Variants in ZNF793 observed in about 807,000 individuals in gnomAD.
ZNF793 encodes zinc finger protein 793.
In ZNF793, 5 loss-of-function variants were observed where a neutral mutation model predicts 12.4. The ratio of observed to expected loss-of-function variants is 0.40; its 90% CI spans 0.21 to 0.84. The LOEUF (loss-of-function observed/expected upper bound fraction) is 0.84, where lower values mean the gene tolerates loss of function less well. Among genes scored for constraint, ZNF793 ranks in the 40% least tolerant of loss-of-function variants. The pLI is 0.35. For missense variants in ZNF793, 456 were observed against 495.0 expected, an observed-to-expected ratio of 0.92 and a Z score of 0.75; for synonymous variants, 162 against 172.4, an observed-to-expected ratio of 0.94 and a Z score of 0.47.
intron 2 of ZNF793, among the ~76,000 whole-genome samples, chr19:37,511,612 G>A (rs553490391): frequency 6.6e-6 from 1 of 152,190 alleles, no homozygotes; most frequent in South Asian, 2.1e-4. Context: ...CAGAGGTTGC[G>A]GTGAGCTGAG....
Position 37,537,884 on chromosome 19 carries a change from A to G in ZNF793, c.*5A>G. The G allele has an allele frequency of 6.4e-7, 1 of 1,564,148 alleles. No individual in the cohort carries two copies. Among genetic ancestry groups the G allele is most frequent in the Non-Finnish European group, 8.7e-7 (1 of 1,154,246 alleles). ...ATAATTGTGGGAAATACTTGAGCAA[A>G]ATATCTGGTTTCATGGTATGTAGGG... On this transcript the variant is annotated 3_prime_UTR_variant, in exon 8 of 8. Transcript: ENST00000627814.
At chr19:37,527,460 G>C (rs1415742642) in intron 5 of ZNF793, among the ~76,000 whole-genome samples, 3 of 152,188 alleles carry the variant, frequency 2.0e-5, no homozygotes, top group Non-Finnish European at 4.4e-5. Context: ...GCCAGGCACT[G>C]TTCAAAGGCT....
Position 37,537,097 on chromosome 19 carries a change from A to C in ZNF793, c.439A>C (p.Asn147His), listed in dbSNP as rs998401349. The change falls in exon 8 of 8, where the codon AAC becomes CAC. Residue 147 changes from asparagine (N) to histidine (H), a missense_variant. Coordinates refer to ENST00000627814, the MANE Select transcript of ZNF793 (RefSeq NM_001013659.3). Reference protein sequence around the residue: ...SNWNPCGKNLNHNLDLIGFKR... With the variant: ...SNWNPCGKNLHHNLDLIGFKR... ...CTGGAACCCTTGTGGAAAGAATTTG[A>C]ACCATAATTTAGACTTGATTGGTTT... 1 of 1,613,464 alleles carries C rather than the reference A, an allele frequency of 6.2e-7. No individual in the cohort carries two copies. The highest frequency in any genetic ancestry group is 8.5e-7 in the Non-Finnish European group (1 of 1,179,666).
At chr19:37,520,043 T>G (rs1051671432) in intron 2 of ZNF793, 141 bp from the exon 3 acceptor site, 8 of 152,146 alleles carry the variant, frequency 5.3e-5, no homozygotes, top group African/African-American at 1.9e-4. Flanking sequence ...TTTGTGGGAG[T>G]TCCCCCTGTC....
chr19:37,511,390 T>G (rs916691080), intron 2 of ZNF793, among the ~76,000 whole-genome samples: 1 of 152,174 alleles, frequency 6.6e-6, no homozygotes, highest in Non-Finnish European at 1.5e-5. Context: ...GACAAAATTC[T>G]AAGCTGAATG....
At chr19:37,511,453 G>A (rs1277600246) in intron 2 of ZNF793, among the ~76,000 whole-genome samples, 1 of 152,024 alleles carries the variant, frequency 6.6e-6, no homozygotes, top group Non-Finnish European at 1.5e-5. Context: ...GGATGAGGTG[G>A]GAGGATCAGG....
intron 2 of ZNF793, among the ~76,000 whole-genome samples, chr19:37,515,001 A>G (rs544161034): frequency 1.8e-4 from 27 of 152,362 alleles, no homozygotes; most frequent in Non-Finnish European, 3.1e-4. Context: ...GATAAGACCT[A>G]TGTCTCAAGT....
intron 5 of ZNF793, among the ~76,000 whole-genome samples, chr19:37,529,226 T>A (rs990494526): frequency 1.3e-5 from 2 of 152,220 alleles, no homozygotes; most frequent in Admixed American, 1.3e-4. Flanking sequence ...GGTACAGGCA[T>A]CATGCAATGT....
chr19:37,533,283 ACCT>A (rs755320387), intron 6 of ZNF793, 22 bp from the exon 7 acceptor site: 10 of 1,610,208 alleles, frequency 6.2e-6, no homozygotes, highest in Admixed American at 1.7e-5. Context: ...TCAGCCCAAG[ACCT>A]GCATCAATTT....
At chr19:37,527,563 G>GAGGCTAA (rs776622729) in intron 5 of ZNF793, among the ~76,000 whole-genome samples, 3 of 152,096 alleles carry the variant, frequency 2.0e-5, no homozygotes, top group Non-Finnish European at 4.4e-5. Flanking sequence ...ATGGCACAGA[G>GAGGCTAA]AGGCTAAATA....
At chr19:37,536,028 T>A (rs2042501906) in intron 7 of ZNF793, 2 of 156,644 alleles carry the variant, frequency 1.3e-5, no homozygotes, top group Admixed American at 6.5e-5. Flanking sequence ...TTGTTGCTTA[T>A]ATTCATATTC....
At chr19:37,527,504 A>T (rs2042425476) in intron 5 of ZNF793, among the ~76,000 whole-genome samples, 1 of 152,236 alleles carries the variant, frequency 6.6e-6, no homozygotes, top group Admixed American at 6.5e-5. Flanking sequence ...CCTCATAGTA[A>T]TTAAGACACA....
intron 2 of ZNF793, among the ~76,000 whole-genome samples, chr19:37,516,643 ACT>A (rs1437394116): frequency 6.7e-6 from 1 of 149,064 alleles, no homozygotes; most frequent in East Asian, 2.0e-4. Flanking sequence ...TCCAAGATTG[ACT>A]CTTTTTTTTT....
At chr19:37,531,905 T>C (rs73632248) in intron 5 of ZNF793, among the ~76,000 whole-genome samples, 3 of 152,166 alleles carry the variant, frequency 2.0e-5, no homozygotes, top group African/African-American at 4.8e-5. Context: ...TGTGATTTTC[T>C]TTTTCCCCAC....
At position 37,537,200 on chromosome 19, in the gene ZNF793, G is replaced by T; in HGVS notation, c.542G>T (p.Arg181Leu). 6.2e-7 allele frequency: 1 copy of T among 1,613,710 alleles called. No individual in the cohort carries two copies. The highest frequency in any genetic ancestry group is 1.1e-5 in the South Asian group (1 of 91,024). ...CTTCAGCGTATAAATCATGGTAGACGACCTAATGGAGAAAAGCCCCGGGGT... is the reference window on the plus strand; with the variant it reads ...CTTCAGCGTATAAATCATGGTAGACTACCTAATGGAGAAAAGCCCCGGGGT... ...KLLQRINHGR[R>L]PNGEKPRGCS... The change falls in exon 8 of 8, where the codon CGA becomes CTA. Residue 181 changes from arginine to leucine, a missense_variant. Arg to Leu is a moderately radical substitution (Grantham distance 102). Coordinates refer to ENST00000627814, the MANE Select transcript of ZNF793 (RefSeq NM_001013659.3).
chr19:37,531,827 G>A lies in ZNF793; in HGVS notation c.16-529G>A, dbSNP rs117407030. Reference sequence around the variant, plus strand: ...GGACCCATCTATGACTGTGACCCCAGCAACACACAGTGGGTCTTCAATGTT... The same window carrying A: ...GGACCCATCTATGACTGTGACCCCAACAACACACAGTGGGTCTTCAATGTT... On this transcript the variant is annotated intron_variant, in intron 5 of 7. Coordinates refer to ENST00000627814, the MANE Select transcript of ZNF793 (RefSeq NM_001013659.3). Among the ~76,000 whole-genome samples the A allele has an allele frequency of 6.2e-3, 937 of 152,264 alleles. 26 individuals carry two copies. The highest frequency in any genetic ancestry group is 0.049 in the East Asian group (253 of 5,174).
chr19:37,531,905 T>G lies in ZNF793; in HGVS notation c.16-451T>G, dbSNP rs73632248. Among the ~76,000 whole-genome samples the G allele has an allele frequency of 5.7e-3, 866 of 152,284 alleles. 9 individuals carry two copies. Among genetic ancestry groups the G allele is most frequent in the African/African-American group, 0.02 (817 of 41,548 alleles). On this transcript the variant is annotated intron_variant, in intron 5 of 7. Transcript: ENST00000627814. ...GTAGATAGCTTCCAATGTGATTTTC[T>G]TTTTCCCCACCATATATAACACAAA...
At chr19:37,530,722 C>A (rs1474451642) in intron 5 of ZNF793, among the ~76,000 whole-genome samples, 1 of 152,178 alleles carries the variant, frequency 6.6e-6, no homozygotes, top group Non-Finnish European at 1.5e-5. Flanking sequence ...ATGTCTACTT[C>A]TTTCTACGCA....
At chr19:37,524,476 A>G (rs532695843) in intron 5 of ZNF793, among the ~76,000 whole-genome samples, 57 of 152,328 alleles carry the variant, frequency 3.7e-4, no homozygotes, top group Admixed American at 1.0e-3. Flanking sequence ...TGGATTACCA[A>G]TGTACAAAGT....
Sources: gnomAD v4.1 joint callset for allele counts (sites outside exome capture counted in the v4.1 genomes callset) on GRCh38, gnomAD v4.1.1 for gene constraint, MANE v1.5 for transcripts, NCBI Gene and HGNC (gene_info 2026-07-23, HGNC 2026-07-21) for gene names.